NKX1-2: variants seen among roughly 807,000 people sequenced by gnomAD.
The protein encoded by NKX1-2 is NK1 transcription factor-related protein 2.
A neutral mutation model predicts 4.4 loss-of-function variants in NKX1-2; 1 was observed. That is an observed-to-expected ratio of 0.23 (90% CI 0.08 to 1.08). NKX1-2 has a LOEUF of 1.08. Ranked by LOEUF, NKX1-2 falls within the 50% of genes least tolerant of loss-of-function variation. The pLI is 0.55. For synonymous variants in NKX1-2, 235 were observed against 228.0 expected, an observed-to-expected ratio of 1.03 and a Z score of -0.28; for missense variants, 503 against 464.6, an observed-to-expected ratio of 1.08 and a Z score of -0.76.
At position 124,448,308 on chromosome 10, in the gene NKX1-2, G is replaced by C. The variant is rs1043513324; in HGVS notation, c.215-161C>G. On this transcript the variant is annotated intron_variant, in intron 1 of 1. Transcript: ENST00000451024. This position sits in a 1 kb window ranked among gnomAD's most constrained non-coding sequence, Gnocchi z 4.1. ...GCCGGACTACACATCCTCGCCAGCG[G>C]GTTTAGGGGAATGGTGTCCTCTTGC... 5 of 1,194,596 alleles carry C rather than the reference G, an allele frequency of 4.2e-6. No homozygotes were observed. In the East Asian group the frequency reaches 9.5e-5, roughly 23 times the overall value. The allele number at this position is 1,194,596 out of a possible 1,614,324, so 74.0% of individuals were successfully genotyped here. A position where few individuals can be genotyped will look rare whatever the true frequency, so the allele number is the denominator to read the frequency against.
rs948471625 is a variant in NKX1-2, at chr10:124,445,571, C to T, written c.*1858G>A. ...AGAGGAATTGTCACATTTGAATTGTCTGTTTAATATGGGATATTGCTTTTG... is the reference window on the plus strand; with the variant it reads ...AGAGGAATTGTCACATTTGAATTGTTTGTTTAATATGGGATATTGCTTTTG... On this transcript the variant is annotated 3_prime_UTR_variant, in exon 2 of 2. Coordinates refer to ENST00000451024, the MANE Select transcript of NKX1-2 (RefSeq NM_001146340.3). 2 of 152,090 alleles carry T rather than the reference C, an allele frequency of 1.3e-5. No individual in the cohort carries two copies. The highest frequency in any genetic ancestry group is 2.9e-5 in the Non-Finnish European group (2 of 68,018). The allele number at this position is 152,090 out of a possible 1,614,324, so 9.4% of individuals were successfully genotyped here.
chr10:124,445,633 G>A lies in NKX1-2; in HGVS notation c.*1796C>T, dbSNP rs537503167. 1.1e-4 allele frequency: 17 copies of A among 152,306 alleles called. No homozygotes were observed. The highest frequency in any genetic ancestry group is 2.4e-4 in the African/African-American group (10 of 41,570). The allele number at this position is 152,306 out of a possible 1,614,324, so 9.4% of individuals were successfully genotyped here. On this transcript the variant is annotated 3_prime_UTR_variant, in exon 2 of 2. Coordinates refer to ENST00000451024, the MANE Select transcript of NKX1-2 (RefSeq NM_001146340.3). ...AATAGTTATTAAAGGAGTGTTTACCGAAGTGTAAGGTGAATATTATCTAGT... is the reference window on the plus strand; with the variant it reads ...AATAGTTATTAAAGGAGTGTTTACCAAAGTGTAAGGTGAATATTATCTAGT...
Position 124,449,998 on chromosome 10 carries a change from C to T in NKX1-2, c.-55G>A. 1.6e-6 allele frequency: 2 copies of T among 1,243,454 alleles called. No individual in the cohort carries two copies. The highest frequency in any genetic ancestry group is 1.5e-5 in the South Asian group (1 of 67,780). The allele number at this position is 1,243,454 out of a possible 1,614,324, so 77.0% of individuals were successfully genotyped here. ...GCGCGGGGTTGGGGATGGCGCCGCT[C>T]GGGCTTGCCTTCGGCTGTGGCTTGG... is the stretch of plus-strand genomic sequence containing the variant. On this transcript the variant is annotated 5_prime_UTR_variant, in exon 1 of 2. Transcript: ENST00000451024. This position sits in a 1 kb window ranked among gnomAD's most constrained non-coding sequence, Gnocchi z 7.5.
Position 124,449,189 on chromosome 10 carries a change from G to T in NKX1-2, c.214+541C>A, listed in dbSNP as rs564930671. On this transcript the variant is annotated intron_variant, in intron 1 of 1. Transcript: ENST00000451024. The surrounding 1 kb of genome is among the most constrained non-coding windows in gnomAD (Gnocchi z 7.5). Reference sequence around the variant, plus strand: ...GCCCCCAGCCCAGTCCCAGTTAACAGTTGAGTCTGGGGAGCTTGAGCGCCT... The same window carrying T: ...GCCCCCAGCCCAGTCCCAGTTAACATTTGAGTCTGGGGAGCTTGAGCGCCT... 2.0e-5 allele frequency among the ~76,000 whole-genome samples: 3 copies of T among 152,246 alleles called. No homozygotes were observed. Among genetic ancestry groups the T allele is most frequent in the East Asian group, 3.8e-4 (2 of 5,198 alleles).
Position 124,448,323 on chromosome 10 carries a change from T to C in NKX1-2, c.215-176A>G, listed in dbSNP as rs2133792016. On this transcript the variant is annotated intron_variant, in intron 1 of 1. Coordinates refer to ENST00000451024, the MANE Select transcript of NKX1-2 (RefSeq NM_001146340.3). The surrounding 1 kb of genome is among the most constrained non-coding windows in gnomAD (Gnocchi z 4.1). ...CTCGCCAGCGGGTTTAGGGGAATGG[T>C]GTCCTCTTGCCCTTTACAAATCTGC... The C allele has an allele frequency of 9.3e-7, 1 of 1,074,564 alleles. No individual in the cohort carries two copies. The highest frequency in any genetic ancestry group is 3.2e-5 in the East Asian group (1 of 30,874). The allele number at this position is 1,074,564 out of a possible 1,614,324, so 66.6% of individuals were successfully genotyped here.
chr10:124,447,805 C>A lies in NKX1-2; in HGVS notation c.557G>T (p.Arg186Leu). The A allele has an allele frequency of 1.4e-6, 2 of 1,480,804 alleles. No individual in the cohort carries two copies. The highest frequency in any genetic ancestry group is 1.3e-5 in the South Asian group (1 of 76,504). The allele number at this position is 1,480,804 out of a possible 1,614,324, so 91.7% of individuals were successfully genotyped here. A position where few individuals can be genotyped will look rare whatever the true frequency, so the allele number is the denominator to read the frequency against. The stretch of plus-strand genomic sequence containing the variant: ...CAGGCGCTCGCACACTGACAGGTAG[C>A]GCGTGGCCCGGAACTTGTTCTCCAA... The part of the protein sequence containing the change: ...VALENKFRAT[R>L]YLSVCERLNL... The change falls in exon 2 of 2, where the codon CGC becomes CTC. Residue 186 changes from arginine (R) to leucine (L), a missense_variant. Physicochemically the swap from Arg to Leu is moderately radical, Grantham distance 102. Coordinates refer to ENST00000451024, the MANE Select transcript of NKX1-2 (RefSeq NM_001146340.3).
rs1952273928 is a variant in NKX1-2 at position 124,449,231 on chromosome 10, G to A, written c.214+499C>T. On this transcript the variant is annotated intron_variant, in intron 1 of 1. Coordinates refer to ENST00000451024, the MANE Select transcript of NKX1-2 (RefSeq NM_001146340.3). The surrounding 1 kb of genome is among the most constrained non-coding windows in gnomAD (Gnocchi z 7.5). Reference sequence around the variant, plus strand: ...TGAGCGCCTGGGGCAGCCCAGCCCCGCAGGCGTCTCCGGGTGGCACCTGAC... The same window carrying A: ...TGAGCGCCTGGGGCAGCCCAGCCCCACAGGCGTCTCCGGGTGGCACCTGAC... Among the ~76,000 whole-genome samples, 1 of 152,182 alleles carries A rather than the reference G, an allele frequency of 6.6e-6. No individual in the cohort carries two copies. Among genetic ancestry groups the A allele is most frequent in the Middle Eastern group, 3.2e-3 (1 of 316 alleles).
rs761419284 is a variant in NKX1-2, at chr10:124,447,881, C to A, written c.481G>T (p.Ala161Ser). ...GCGGTGCGCGCGCGCCGCGGCTTGG[C>A]GCAGTTGGGCTCCAGGCGCCGGCGC... ...PRRRRLEPNCAKPRRARTAFT... is the reference protein window; with the variant it reads ...PRRRRLEPNCSKPRRARTAFT... The change falls in exon 2 of 2, where the codon GCC becomes TCC. Residue 161 changes from alanine to serine, a missense_variant. Transcript: ENST00000451024. 6.9e-6 allele frequency: 10 copies of A among 1,442,606 alleles called. No individual in the cohort carries two copies. The highest frequency in any genetic ancestry group is 1.9e-4 in the Middle Eastern group (1 of 5,400). 89.4% of individuals were successfully genotyped at this position (1,442,606 alleles called of 1,614,324 possible).
Position 124,447,484 on chromosome 10 carries a change from A to G in NKX1-2, c.878T>C (p.Phe293Ser). The G allele has an allele frequency of 7.9e-7, 1 of 1,270,954 alleles. No homozygotes were observed. The allele number at this position is 1,270,954 out of a possible 1,614,324, so 78.7% of individuals were successfully genotyped here. ...PLTAAAPGSP[F>S]APFLGPSYLT... ...GTAGGAAGGCCCAAGGAACGGCGCG[A>G]AAGGGCTCCCGGGGGCGGCAGCCGT... Residue 293 changes from phenylalanine to serine, a missense_variant, in exon 2 of 2, where the codon TTC (phenylalanine) becomes TCC (serine). Physicochemically the swap from Phe to Ser is radical, Grantham distance 155. Coordinates refer to ENST00000451024, the MANE Select transcript of NKX1-2 (RefSeq NM_001146340.3).
At position 124,450,000 on chromosome 10, in the gene NKX1-2, G is replaced by T; in HGVS notation, c.-57C>A. Reference sequence around the variant, plus strand: ...GCGGGGTTGGGGATGGCGCCGCTCGGGCTTGCCTTCGGCTGTGGCTTGGCG... The same window carrying T: ...GCGGGGTTGGGGATGGCGCCGCTCGTGCTTGCCTTCGGCTGTGGCTTGGCG... On this transcript the variant is annotated 5_prime_UTR_variant, in exon 1 of 2. Transcript: ENST00000451024. This position sits in a 1 kb window ranked among gnomAD's most constrained non-coding sequence, Gnocchi z 7.5. 7.4e-7 allele frequency: 1 copy of T among 1,360,490 alleles called. No homozygotes were observed. The highest frequency in any genetic ancestry group is 9.8e-7 in the Non-Finnish European group (1 of 1,019,222). The allele number at this position is 1,360,490 out of a possible 1,614,324, so 84.3% of individuals were successfully genotyped here.
At position 124,447,947 on chromosome 10, in the gene NKX1-2, C is replaced by A. The variant is rs1346583746; in HGVS notation, c.415G>T (p.Val139Leu). Residue 139 changes from valine to leucine, a missense_variant, in exon 2 of 2, where the codon GTG becomes TTG. Transcript: ENST00000451024. Reference protein sequence around the residue: ...EPCEDGGGGPVRSPPGSPGSP... With the variant: ...EPCEDGGGGPLRSPPGSPGSP... Reference sequence around the variant, plus strand: ...CCGGGGGATCCCGGGGGGGACCTCACAGGGCCGCCCCCGCCGTCCTCGCAG... The same window carrying A: ...CCGGGGGATCCCGGGGGGGACCTCAAAGGGCCGCCCCCGCCGTCCTCGCAG... 1.4e-6 allele frequency: 2 copies of A among 1,404,252 alleles called. No individual in the cohort carries two copies. Among genetic ancestry groups the A allele is most frequent in the Admixed American group, 3.5e-5 (1 of 28,654 alleles). The allele number at this position is 1,404,252 out of a possible 1,614,324, so 87.0% of individuals were successfully genotyped here.
At position 124,450,018 on chromosome 10, in the gene NKX1-2, G is replaced by T. The variant is rs1952281579; in HGVS notation, c.-75C>A. On this transcript the variant is annotated 5_prime_UTR_variant, in exon 1 of 2. Transcript: ENST00000451024. ...CCGCTCGGGCTTGCCTTCGGCTGTG[G>T]CTTGGCGGTAGCTTTCCAGCCAGGA... The T allele has an allele frequency of 3.4e-6, 4 of 1,188,082 alleles. No homozygotes were observed. Among genetic ancestry groups the T allele is most frequent in the African/African-American group, 3.2e-5 (2 of 63,138 alleles). The allele number at this position is 1,188,082 out of a possible 1,614,324, so 73.6% of individuals were successfully genotyped here.
chr10:124,447,318 C>A lies in NKX1-2; in HGVS notation c.*111G>T, dbSNP rs367648103. ...GAGGATCGCGGGTGCGCGCGGCGGG[C>A]AGGGGTGCGCTGACACCCGCGCACC... is the stretch of plus-strand genomic sequence containing the variant. On this transcript the variant is annotated 3_prime_UTR_variant, in exon 2 of 2. Transcript: ENST00000451024. 1.8e-5 allele frequency: 11 copies of A among 608,550 alleles called. No homozygotes were observed. The highest frequency in any genetic ancestry group is 1.7e-4 in the South Asian group (2 of 11,678). 37.7% of individuals were successfully genotyped at this position (608,550 alleles called of 1,614,324 possible). A position where few individuals can be genotyped will look rare whatever the true frequency, so the allele number is the denominator to read the frequency against.
rs1049805723 is a variant in NKX1-2, at chr10:124,447,323, G to T, written c.*106C>A. On this transcript the variant is annotated 3_prime_UTR_variant, in exon 2 of 2. Transcript: ENST00000451024. ...TCGCGGGTGCGCGCGGCGGGCAGGG[G>T]TGCGCTGACACCCGCGCACCTGCAC... 31 of 863,210 alleles carry T rather than the reference G, an allele frequency of 3.6e-5. No individual in the cohort carries two copies. Among genetic ancestry groups the T allele is most frequent in the Non-Finnish European group, 1.7e-5 (11 of 638,530 alleles). The allele number at this position is 863,210 out of a possible 1,614,324, so 53.5% of individuals were successfully genotyped here. A position where few individuals can be genotyped will look rare whatever the true frequency, so the allele number is the denominator to read the frequency against.
chr10:124,447,740 T>C lies in NKX1-2; in HGVS notation c.622A>G (p.Lys208Glu). ...LSLSLTETQV[K>E]IWFQNRRTKW... Reference sequence around the variant, plus strand: ...GTCCTGCGATTCTGGAACCAGATTTTGACCTGCGTCTCGGTGAGGCTGAGA... The same window carrying C: ...GTCCTGCGATTCTGGAACCAGATTTCGACCTGCGTCTCGGTGAGGCTGAGA... Residue 208 changes from lysine (K) to glutamate (E), a missense_variant, in exon 2 of 2, where the codon AAA becomes GAA. Coordinates refer to ENST00000451024, the MANE Select transcript of NKX1-2 (RefSeq NM_001146340.3). The C allele has an allele frequency of 5.4e-6, 8 of 1,476,412 alleles. No homozygotes were observed. Among genetic ancestry groups the C allele is most frequent in the Non-Finnish European group, 6.3e-6 (7 of 1,106,496 alleles). 91.5% of individuals were successfully genotyped at this position (1,476,412 alleles called of 1,614,324 possible).
rs376222137 is a variant in NKX1-2 at position 124,449,432 on chromosome 10, G to C, written c.214+298C>G. On this transcript the variant is annotated intron_variant, in intron 1 of 1. Transcript: ENST00000451024. This position sits in a 1 kb window ranked among gnomAD's most constrained non-coding sequence, Gnocchi z 7.5. ...CAAGCGCATTAAATGCCCGATAAAT[G>C]AGTAAGCCTGGCAAGACAGGCGCCA... 1 of 649,680 alleles carries C rather than the reference G, an allele frequency of 1.5e-6. No individual in the cohort carries two copies. Among genetic ancestry groups the C allele is most frequent in the South Asian group, 1.5e-5 (1 of 66,282 alleles). 40.2% of individuals were successfully genotyped at this position (649,680 alleles called of 1,614,324 possible). A position where few individuals can be genotyped will look rare whatever the true frequency, so the allele number is the denominator to read the frequency against.
chr10:124,447,122 C>T lies in NKX1-2; in HGVS notation c.*307G>A. The T allele has an allele frequency of 3.9e-6, 1 of 259,002 alleles. No homozygotes were observed. Among genetic ancestry groups the T allele is most frequent in the Non-Finnish European group, 7.3e-6 (1 of 137,452 alleles). The allele number at this position is 259,002 out of a possible 1,614,324, so 16.0% of individuals were successfully genotyped here. On this transcript the variant is annotated 3_prime_UTR_variant, in exon 2 of 2. Transcript: ENST00000451024. ...TCTGCTCCCTGTATTTCCCTCCTGG[C>T]ATCTTGGTTAGCCCCGCGCCGAACA...
At position 124,449,919 on chromosome 10, in the gene NKX1-2, C is replaced by T; in HGVS notation, c.25G>A (p.Ala9Thr). 1 of 1,546,956 alleles carries T rather than the reference C, an allele frequency of 6.5e-7. No individual in the cohort carries two copies. The highest frequency in any genetic ancestry group is 8.7e-7 in the Non-Finnish European group (1 of 1,143,778). The change falls in exon 1 of 2, where the codon GCC (alanine) becomes ACC (threonine). Residue 9 changes from alanine (A) to threonine (T), a missense_variant. Transcript: ENST00000451024. This position sits in a 1 kb window ranked among gnomAD's most constrained non-coding sequence, Gnocchi z 7.5. ...TTGTGGTGGGAGGGAGCCGCCTTGGCCCCGCCGTCCTGCCATGCCAGCATG... is the reference window on the plus strand; with the variant it reads ...TTGTGGTGGGAGGGAGCCGCCTTGGTCCCGCCGTCCTGCCATGCCAGCATG... MLAWQDGG[A>T]KAAPSHHKIS...
In NKX1-2 at chr10:124,445,385, C is replaced by A. The variant is rs2133790007; in HGVS notation, c.*2044G>T. The A allele has an allele frequency of 6.6e-6, 1 of 152,308 alleles. No individual in the cohort carries two copies. Among genetic ancestry groups the A allele is most frequent in the Middle Eastern group, 3.4e-3 (1 of 294 alleles). The allele number at this position is 152,308 out of a possible 1,614,324, so 9.4% of individuals were successfully genotyped here. A position where few individuals can be genotyped will look rare whatever the true frequency, so the allele number is the denominator to read the frequency against. On this transcript the variant is annotated 3_prime_UTR_variant, in exon 2 of 2. Transcript: ENST00000451024. ...TTACTCTGCAATGATCTGTGGAAACCAGAAGGGTCAGGAATTACAGCACCG... is the reference window on the plus strand; with the variant it reads ...TTACTCTGCAATGATCTGTGGAAACAAGAAGGGTCAGGAATTACAGCACCG...
Sources: gnomAD v4.1 joint callset for allele counts (sites outside exome capture counted in the v4.1 genomes callset) on GRCh38, gnomAD v4.1.1 for gene constraint, Gnocchi (gnomAD v3.1) non-coding constraint, MANE v1.5 for transcripts, NCBI Gene and HGNC (gene_info 2026-07-23, HGNC 2026-07-21) for gene names.